PDE3A: variants seen among roughly 807,000 people sequenced by gnomAD.
PDE3A encodes cGMP-inhibited 3',5'-cyclic phosphodiesterase 3A.
Under a neutral mutation model 98.3 loss-of-function variants are expected in PDE3A, and 43 were observed. That is an observed-to-expected ratio of 0.44 (90% CI 0.34 to 0.56). PDE3A has a LOEUF of 0.56. Ranked by LOEUF, PDE3A falls within the 20% of genes least tolerant of loss-of-function variation. The pLI, the probability that PDE3A is intolerant of heterozygous loss-of-function variation, is 0.01. For missense variants in PDE3A, 1,427 were observed against 1,440.7 expected (o/e 0.99, Z 0.15); for synonymous variants, 663 against 567.9 (o/e 1.17, Z -2.38).
intron 1 of PDE3A, among the ~76,000 whole-genome samples, chr12:20,467,556 C>T (rs931945715): frequency 1.8e-4 from 27 of 151,934 alleles, no homozygotes; most frequent in East Asian, 1.9e-4. Context: ...ATACATCTGC[C>T]GTTATCTTTT....
intron 1 of PDE3A, among the ~76,000 whole-genome samples, chr12:20,397,196 T>G (rs1565536374): frequency 1.3e-5 from 2 of 152,090 alleles, no homozygotes; most frequent in Non-Finnish European, 2.9e-5. Context: ...ATACTGTTGT[T>G]CTCATTTTAC....
chr12:20,480,147 A>G (rs79582282), intron 1 of PDE3A, among the ~76,000 whole-genome samples: 5,354 of 152,260 alleles, frequency 0.035, 142 homozygotes, highest in Middle Eastern at 0.065. Flanking sequence ...ACTGTCTTTG[A>G]AGTCAGAACA....
intron 15 of PDE3A, among the ~76,000 whole-genome samples, chr12:20,664,772 C>G (rs886963065): frequency 2.6e-5 from 4 of 152,106 alleles, no homozygotes; most frequent in Non-Finnish European, 5.9e-5. Context: ...ACTCTTGAGT[C>G]CATTAAACCT....
chr12:20,479,381 C>T (rs145988612), intron 1 of PDE3A, among the ~76,000 whole-genome samples: 5 of 152,264 alleles, frequency 3.3e-5, no homozygotes, highest in Non-Finnish European at 5.9e-5. Context: ...GGGGACTTTA[C>T]ACCACTCCTC....
At chr12:20,422,235 A>G (rs1388816121) in intron 1 of PDE3A, among the ~76,000 whole-genome samples, 2 of 151,872 alleles carry the variant, frequency 1.3e-5, no homozygotes, top group African/African-American at 2.4e-5. Flanking sequence ...AGTCCCAGCT[A>G]CTCGGGAGGC....
intron 1 of PDE3A, among the ~76,000 whole-genome samples, chr12:20,523,386 CTTAGAGGAGG>C (rs1946464496): frequency 6.6e-6 from 1 of 152,202 alleles, no homozygotes; most frequent in African/African-American, 2.4e-5. Context: ...CACAATTCTG[CTTAGAGGAGG>C]AGCACTCTCC....
intron 1 of PDE3A, among the ~76,000 whole-genome samples, chr12:20,535,115 T>A (rs1941715405): frequency 1.3e-5 from 2 of 152,232 alleles, no homozygotes; most frequent in African/African-American, 4.8e-5. Context: ...GACATGTTCA[T>A]ATAATTCATA....
chr12:20,489,013 C>T (rs559354355), intron 1 of PDE3A, among the ~76,000 whole-genome samples: 38 of 152,132 alleles, frequency 2.5e-4, no homozygotes, highest in South Asian at 2.1e-3. Flanking sequence ...CAGCAATCAA[C>T]GAATAATTCT....
At chr12:20,566,517 T>A (rs1157786272) in intron 2 of PDE3A, among the ~76,000 whole-genome samples, 2 of 110,066 alleles carry the variant, frequency 1.8e-5, no homozygotes, top group Non-Finnish European at 3.8e-5. Flanking sequence ...TAAAAGGGTA[T>A]TTTTTTTTTT....
chr12:20,570,479 A>T (rs1054489180), intron 2 of PDE3A, among the ~76,000 whole-genome samples: 1 of 144,844 alleles, frequency 6.9e-6, no homozygotes, highest in Non-Finnish European at 1.5e-5. Flanking sequence ...TCATTCTGTA[A>T]GGTGATATTT....
intron 15 of PDE3A, among the ~76,000 whole-genome samples, chr12:20,657,664 G>T (rs1945074179): frequency 6.6e-6 from 1 of 152,136 alleles, no homozygotes; most frequent in African/African-American, 2.4e-5. Context: ...AGAACAATTT[G>T]GCTCCCAATA....
chr12:20,637,216 A>G lies in PDE3A; in HGVS notation c.2118A>G (p.Lys706=). The G allele has an allele frequency of 6.2e-7, 1 of 1,608,414 alleles. No individual in the cohort carries two copies. Among genetic ancestry groups the G allele is most frequent in the Non-Finnish European group, 8.5e-7 (1 of 1,175,962 alleles). Reference sequence around the variant, plus strand: ...ATTTAGTGGAAAATATAGGAAGAAAATGTGGCCGTATTCTTAGTCAGGTAA... The same window carrying G: ...ATTTAGTGGAAAATATAGGAAGAAAGTGTGGCCGTATTCTTAGTCAGGTAA... The part of the protein sequence containing the change: ...IFDLVENIGR[K]CGRILSQVSY... Residue 706 remains lysine, a synonymous_variant, in exon 9 of 16, where the codon AAA becomes AAG. Coordinates refer to ENST00000359062, the MANE Select transcript of PDE3A (RefSeq NM_000921.5).
chr12:20,496,535 CG>C (rs1264023148), intron 1 of PDE3A, among the ~76,000 whole-genome samples: 1 of 151,942 alleles, frequency 6.6e-6, no homozygotes, highest in Non-Finnish European at 1.5e-5. Context: ...ACCGCCACCC[CG>C]CAACACCCCG....
intron 1 of PDE3A, among the ~76,000 whole-genome samples, chr12:20,538,903 C>T (rs1231571051): frequency 6.6e-6 from 1 of 152,008 alleles, no homozygotes; most frequent in Admixed American, 6.6e-5. Context: ...GCTTTGGCTT[C>T]CCAAAATGTT....
intron 1 of PDE3A, among the ~76,000 whole-genome samples, chr12:20,381,024 T>C (rs893154954): frequency 6.6e-6 from 1 of 151,836 alleles, no homozygotes; most frequent in East Asian, 1.9e-4. Context: ...AGTTGTTTTT[T>C]GCTAGGTAAG....
chr12:20,414,482 T>A (rs1944387786), intron 1 of PDE3A, among the ~76,000 whole-genome samples: 1 of 152,242 alleles, frequency 6.6e-6, no homozygotes, highest in African/African-American at 2.4e-5. Flanking sequence ...GTTTCTTGTG[T>A]AGGTTTTGAA....
Position 20,681,623 on chromosome 12 carries a change from A to G in PDE3A, c.*1352A>G, listed in dbSNP as rs1345354419. The G allele has an allele frequency of 6.6e-6, 1 of 152,200 alleles. No individual in the cohort carries two copies. The highest frequency in any genetic ancestry group is 1.5e-5 in the Non-Finnish European group (1 of 68,044). The allele number at this position is 152,200 out of a possible 1,614,324, so 9.4% of individuals were successfully genotyped here. A position where few individuals can be genotyped will look rare whatever the true frequency, so the allele number is the denominator to read the frequency against. ...TGTTCCACACGCTGTTTGTTGGGGT[A>G]GCTTCCATCGGCAGTCTGGCCCATT... On this transcript the variant is annotated 3_prime_UTR_variant, in exon 16 of 16. Transcript: ENST00000359062.
In PDE3A at chr12:20,680,216, AAGAG is replaced by A. The variant is rs777733392; in HGVS notation, c.3373_3376del (p.Glu1125LysfsTer20). 6.2e-7 allele frequency: 1 copy of A among 1,613,994 alleles called. No homozygotes were observed. Among genetic ancestry groups the A allele is most frequent in the Non-Finnish European group, 8.5e-7 (1 of 1,179,918 alleles). ...ATCCAGGCTATCAAGGAAGAAGAAG[AAGAG>A]AAAGGGAAACCAAGAGGCGAGGAGA... On this transcript the variant is annotated frameshift_variant, in exon 16 of 16. Coordinates refer to ENST00000359062, the MANE Select transcript of PDE3A (RefSeq NM_000921.5). LOFTEE classifies it high-confidence loss of function.
chr12:20,563,780 A>G (rs1302233353), intron 2 of PDE3A, among the ~76,000 whole-genome samples: 1 of 152,082 alleles, frequency 6.6e-6, no homozygotes, highest in East Asian at 1.9e-4. Flanking sequence ...TTGTCATTGC[A>G]TGTAATAGTG....
Sources: allele counts gnomAD v4.1 joint callset (sites outside exome capture counted in the v4.1 genomes callset), GRCh38; gene constraint gnomAD v4.1.1; transcripts MANE v1.5; gene names NCBI Gene and HGNC (gene_info 2026-07-23, HGNC 2026-07-21).